WWOX: variants seen among roughly 807,000 people sequenced by gnomAD.
WWOX encodes the protein WW domain containing oxidoreductase.
In WWOX, 69 loss-of-function variants were observed where a neutral mutation model predicts 46.2. The observed-to-expected ratio is 1.49, with a 90% CI of 1.23 to 1.82. The LOEUF is 1.82. Among genes scored for constraint, WWOX ranks in the 40% most tolerant of loss-of-function variants. The probability of loss-of-function intolerance (pLI) is 0.00; values close to 1 mark genes in which losing one functional copy is unlikely to be tolerated. For missense variants in WWOX, 919 were observed against 542.6 expected, an observed-to-expected ratio of 1.69 and a Z score of -6.89; for synonymous variants, 359 against 202.6, an observed-to-expected ratio of 1.77 and a Z score of -6.56.
intron 5 of WWOX, among the ~76,000 whole-genome samples, chr16:78,254,797 C>T (rs997167179): frequency 2.6e-5 from 4 of 151,996 alleles, no homozygotes; most frequent in Admixed American, 6.6e-5. Flanking sequence ...CCAAAGTGCT[C>T]GGATTACAGG....
intron 8 of WWOX, among the ~76,000 whole-genome samples, chr16:78,871,922 C>T (rs1266875856): frequency 6.6e-6 from 1 of 152,152 alleles, no homozygotes; most frequent in Non-Finnish European, 1.5e-5. Context: ...TCCTTTCTGG[C>T]CCCTCAACCT....
intron 5 of WWOX, among the ~76,000 whole-genome samples, chr16:78,320,350 C>G (rs545832494): frequency 1.3e-5 from 2 of 152,266 alleles, no homozygotes; most frequent in East Asian, 3.9e-4. Flanking sequence ...TAAATTGGTT[C>G]AGATTCTGTA....
intron 8 of WWOX, among the ~76,000 whole-genome samples, chr16:79,183,820 T>G: frequency 6.6e-6 from 1 of 152,224 alleles, no homozygotes; most frequent in East Asian, 1.9e-4. Context: ...AAAGGTTCTG[T>G]GCCTCCCAAA....
rs567501860 is a variant in WWOX, at chr16:78,631,716, G to C, written c.1056+198964G>C. On this transcript the variant is annotated intron_variant, in intron 8 of 8. Coordinates refer to ENST00000566780, the MANE Select transcript of WWOX (RefSeq NM_016373.4). ...TGCCTGGCTATTTTTTGTAGGGACA[G>C]GGTTTCAACATGTTGCCAAGGCTAG... 9.2e-5 allele frequency among the ~76,000 whole-genome samples: 14 copies of C among 152,032 alleles called. No homozygotes were observed. The South Asian group carries it at 2.9e-3, about 32-fold the overall frequency.
At chr16:78,636,616 A>G (rs1424965555) in intron 8 of WWOX, among the ~76,000 whole-genome samples, 1 of 152,066 alleles carries the variant, frequency 6.6e-6, no homozygotes. Flanking sequence ...AACTTTTAAA[A>G]CTGATAATTA....
intron 8 of WWOX, among the ~76,000 whole-genome samples, chr16:78,839,501 G>A (rs899827716): frequency 2.0e-5 from 3 of 152,166 alleles, no homozygotes; most frequent in African/African-American, 7.2e-5. Flanking sequence ...TTTATGTACA[G>A]GGCTGTGACT....
intron 8 of WWOX, among the ~76,000 whole-genome samples, chr16:78,658,124 C>G (rs1409431187): frequency 6.6e-6 from 1 of 152,100 alleles, no homozygotes; most frequent in Non-Finnish European, 1.5e-5. Flanking sequence ...CCAGTAGCAT[C>G]TTCTATTTCC....
chr16:78,208,056 G>A (rs1419384905), intron 5 of WWOX, among the ~76,000 whole-genome samples: 2 of 152,076 alleles, frequency 1.3e-5, no homozygotes, highest in African/African-American at 4.8e-5. Context: ...CAGGTCATCC[G>A]CCCGCCTTGG....
At position 78,333,043 on chromosome 16, in the gene WWOX, C is replaced by CTTTTTTTTTTTTTTTTTT. The variant is rs11289222; in HGVS notation, c.517-53810_517-53793dup. On this transcript the variant is annotated intron_variant, in intron 5 of 8. Transcript: ENST00000566780. ...CTGAGTAGCATGGAAGAGCATTATACTTTTTTTTTTTTTTTTTTTTTTTTG... is the reference window on the plus strand; with the variant it reads ...CTGAGTAGCATGGAAGAGCATTATACTTTTTTTTTTTTTTTTTTTTTTTTTTTTTTTTTTTTTTTTTTG... 4.4e-3 allele frequency among the ~76,000 whole-genome samples: 252 copies of CTTTTTTTTTTTTTTTTTT among 57,104 alleles called. 45 individuals are homozygous for CTTTTTTTTTTTTTTTTTT. The highest frequency in any genetic ancestry group is 6.9e-3 in the Non-Finnish European group (180 of 26,260). The allele number at this position is 57,104 out of a possible 152,430, so 37.5% of individuals were successfully genotyped here.
chr16:78,114,925 A>G lies in WWOX; in HGVS notation c.231-51A>G, dbSNP rs1242552419. On this transcript the variant is annotated intron_variant, in intron 3 of 8. Coordinates refer to ENST00000566780, the MANE Select transcript of WWOX (RefSeq NM_016373.4). ...TAAAGTATAAGATTGTCTTATATTT[A>G]TAAATGCCTGTGTTCATTGCTGTGG... 5 of 1,611,374 alleles carry G rather than the reference A, an allele frequency of 3.1e-6. No individual in the cohort carries two copies. In the African/African-American group the frequency reaches 4.0e-5, roughly 13 times the overall value.
chr16:78,664,105 A>T (rs1371051966), intron 8 of WWOX, among the ~76,000 whole-genome samples: 2 of 152,210 alleles, frequency 1.3e-5, no homozygotes. Context: ...GCAGGAGTGA[A>T]AGCTAAAGGA....
At chr16:79,164,520 G>T (rs1443827468) in intron 8 of WWOX, among the ~76,000 whole-genome samples, 1 of 152,110 alleles carries the variant, frequency 6.6e-6, no homozygotes, top group Non-Finnish European at 1.5e-5. Flanking sequence ...AGGCATCAGC[G>T]CTGTTATCAG....
rs1262558564 is a variant in WWOX, at chr16:78,455,591, T to G, written c.1056+22839T>G. Among the ~76,000 whole-genome samples the G allele has an allele frequency of 4.7e-5, 6 of 128,498 alleles. No homozygotes were observed. In the Admixed American group the frequency reaches 6.1e-4, roughly 13 times the overall value. The allele number at this position is 128,498 out of a possible 152,430, so 84.3% of individuals were successfully genotyped here. On this transcript the variant is annotated intron_variant, in intron 8 of 8. Transcript: ENST00000566780. ...CTGGGAGTAGGAGGCTGCAGTAAGC[T>G]GAGATCATGCCACTGCACTCCAGCC...
intron 8 of WWOX, among the ~76,000 whole-genome samples, chr16:78,663,863 C>T (rs915166982): frequency 5.3e-5 from 8 of 152,144 alleles, no homozygotes; most frequent in African/African-American, 1.9e-4. Flanking sequence ...TGGAAACACA[C>T]TCGATGTGTT....
chr16:79,070,629 A>T (rs1401861407), intron 8 of WWOX, among the ~76,000 whole-genome samples: 5 of 152,202 alleles, frequency 3.3e-5, no homozygotes. Context: ...AGGAAGGAAG[A>T]GGCACAGAAG....
At chr16:78,678,996 A>T (rs942863274) in intron 8 of WWOX, among the ~76,000 whole-genome samples, 1 of 152,024 alleles carries the variant, frequency 6.6e-6, no homozygotes, top group African/African-American at 2.4e-5. Flanking sequence ...CCACAACCAT[A>T]TTGCCCCCAG....
At chr16:78,709,699 G>C (rs377598101) in intron 8 of WWOX, among the ~76,000 whole-genome samples, 1 of 151,454 alleles carries the variant, frequency 6.6e-6, no homozygotes, top group Admixed American at 6.6e-5. Context: ...AATTGGCTTT[G>C]TGTTGGGGCC....
At chr16:78,800,417 T>C (rs1358764537) in intron 8 of WWOX, among the ~76,000 whole-genome samples, 1 of 152,146 alleles carries the variant, frequency 6.6e-6, no homozygotes, top group African/African-American at 2.4e-5. Flanking sequence ...CAGGCTATGA[T>C]TGTGTAGGTG....
intron 8 of WWOX, among the ~76,000 whole-genome samples, chr16:78,984,127 C>A (rs546372948): frequency 7.3e-4 from 111 of 152,212 alleles, no homozygotes; most frequent in African/African-American, 2.6e-3. Context: ...ATCTGCCCGC[C>A]TTGGCCTCCC....
Sources: allele counts gnomAD v4.1 joint callset (sites outside exome capture counted in the v4.1 genomes callset), GRCh38; gene constraint gnomAD v4.1.1; transcripts MANE v1.5; gene names NCBI Gene and HGNC (gene_info 2026-07-23, HGNC 2026-07-21).